UBE3D: variants seen among roughly 807,000 people sequenced by gnomAD.
UBE3D encodes E3 ubiquitin-protein ligase E3D.
Under a neutral mutation model 49.6 loss-of-function variants are expected in UBE3D, and 48 were observed. That is an observed-to-expected ratio of 0.97 (90% confidence interval 0.77 to 1.23). The LOEUF is 1.23. UBE3D is among the 50% of genes most tolerant of loss of function. The pLI is 0.00. For synonymous variants in UBE3D, 189 were observed against 174.2 expected (o/e 1.08, Z -0.67); for missense variants, 452 against 468.4 (o/e 0.96, Z 0.32).
chr6:82,912,832 A>C (rs1281196103), intron 9 of UBE3D, among the ~76,000 whole-genome samples: 1 of 152,216 alleles, frequency 6.6e-6, no homozygotes, highest in African/African-American at 2.4e-5. Context: ...AAGCAAATCA[A>C]AATAAAACAA....
chr6:82,928,841 G>C lies in UBE3D; in HGVS notation c.1149+28471C>G, dbSNP rs1031332531. On this transcript the variant is annotated intron_variant, in intron 9 of 9. Coordinates refer to ENST00000369747, the MANE Select transcript of UBE3D (RefSeq NM_198920.3). The stretch of plus-strand genomic sequence containing the variant: ...CTTCTAGGGAAAACAGCTGTAGTTA[G>C]GTGAAGTAATATAAATTTGACTGTC... Among the ~76,000 whole-genome samples, 4 of 152,220 alleles carry C rather than the reference G, an allele frequency of 2.6e-5. No homozygotes were observed. In the East Asian group the frequency reaches 7.7e-4, roughly 29 times the overall value.
Position 82,908,833 on chromosome 6 carries a change from C to A in UBE3D, c.1150-15791G>T, listed in dbSNP as rs1302330543. ...TATGCTACTCGAAACTTCCTGAAGGCCTCAGGGAGATATTTATACAGCCAG... is the reference window on the plus strand; with the variant it reads ...TATGCTACTCGAAACTTCCTGAAGGACTCAGGGAGATATTTATACAGCCAG... On this transcript the variant is annotated intron_variant, in intron 9 of 9. Transcript: ENST00000369747. 3.3e-5 allele frequency among the ~76,000 whole-genome samples: 5 copies of A among 152,308 alleles called. No homozygotes were observed. In the South Asian group the frequency reaches 1.0e-3, roughly 32 times the overall value.
At chr6:83,061,486 T>C (rs1784165550) in intron 1 of UBE3D, among the ~76,000 whole-genome samples, 1 of 152,252 alleles carries the variant, frequency 6.6e-6, no homozygotes, top group Non-Finnish European at 1.5e-5. Context: ...AATAATTTCA[T>C]ACTTGAGGCT....
At chr6:83,000,552 T>C (rs9353117) in intron 8 of UBE3D, among the ~76,000 whole-genome samples, 148,641 of 152,330 alleles carry the variant, frequency 0.98, 72,631 homozygotes, top group Middle Eastern at 1. Context: ...CTCTAGATGG[T>C]TGCCAGAACA....
rs1006924948 is a variant in UBE3D, at chr6:82,986,833, A to T, written c.1011-29383T>A. Among the ~76,000 whole-genome samples, 5 of 148,596 alleles carry T rather than the reference A, an allele frequency of 3.4e-5. No homozygotes were observed. In the South Asian group the frequency reaches 8.4e-4, roughly 25 times the overall value. On this transcript the variant is annotated intron_variant, in intron 8 of 9. Coordinates refer to ENST00000369747, the MANE Select transcript of UBE3D (RefSeq NM_198920.3). The stretch of plus-strand genomic sequence containing the variant: ...AGCCTTGATCTCTGGTTTGAATTAC[A>T]AAGTTTTTCATAGGTGTTATTTTTA...
chr6:83,000,248 A>G (rs73481027), intron 8 of UBE3D, among the ~76,000 whole-genome samples: 1,534 of 152,320 alleles, frequency 0.01, 28 homozygotes, highest in African/African-American at 0.035. Flanking sequence ...CCCCAGGTCT[A>G]TATATTAACA....
At chr6:82,979,883 C>T (rs1000983213) in intron 8 of UBE3D, among the ~76,000 whole-genome samples, 9 of 152,078 alleles carry the variant, frequency 5.9e-5, no homozygotes, top group South Asian at 2.1e-4. Context: ...CTCAAGATAA[C>T]GGCCCCCAGT....
intron 8 of UBE3D, among the ~76,000 whole-genome samples, chr6:83,015,183 C>T (rs1221696410): frequency 6.6e-6 from 1 of 152,142 alleles, no homozygotes; most frequent in Non-Finnish European, 1.5e-5. Context: ...TTACGGGGCT[C>T]TTCAAAGATG....
chr6:82,976,650 G>A (rs1777736756), intron 8 of UBE3D, among the ~76,000 whole-genome samples: 1 of 152,026 alleles, frequency 6.6e-6, no homozygotes, highest in South Asian at 2.1e-4. Context: ...GCCAGCTGGT[G>A]GTTTTGTACT....
chr6:83,022,684 C>T (rs536382959), intron 6 of UBE3D, 123 bp from the exon 7 acceptor site: 17 of 544,140 alleles, frequency 3.1e-5, no homozygotes, highest in Admixed American at 1.6e-4. Flanking sequence ...GACTTTTCTA[C>T]GGACTGCTCA....
chr6:82,920,676 T>C (rs1279802507), intron 9 of UBE3D, among the ~76,000 whole-genome samples: 4 of 152,184 alleles, frequency 2.6e-5, no homozygotes, highest in Non-Finnish European at 4.4e-5. Context: ...TAGAGCCCCA[T>C]ACATTATTAA....
At chr6:82,985,008 CTTTTTTTTTTT>C (rs70987727) in intron 8 of UBE3D, among the ~76,000 whole-genome samples, 7 of 52,996 alleles carry the variant, frequency 1.3e-4, no homozygotes, top group East Asian at 1.3e-3. Context: ...TCTTCTTCTT[CTTTTTTTTTTT>C]TTTTTTTTTT....
chr6:83,064,760 A>T (rs2127867793), intron 1 of UBE3D, among the ~76,000 whole-genome samples: 1 of 152,324 alleles, frequency 6.6e-6, no homozygotes, highest in South Asian at 2.1e-4. Flanking sequence ...AGAAATTCAG[A>T]TTAAATTATT....
At chr6:82,986,355 G>A (rs891859351) in intron 8 of UBE3D, among the ~76,000 whole-genome samples, 1 of 150,032 alleles carries the variant, frequency 6.7e-6, no homozygotes, top group Non-Finnish European at 1.5e-5. Flanking sequence ...CCTGTAATCC[G>A]ACCTACTCGG....
chr6:82,941,448 AAG>A (rs1338045864), intron 9 of UBE3D, among the ~76,000 whole-genome samples: 8 of 152,198 alleles, frequency 5.3e-5, no homozygotes, highest in Admixed American at 3.3e-4. Flanking sequence ...ATAGAAAAAA[AAG>A]AGTGCAGAGA....
chr6:82,962,757 T>C (rs1247498330), intron 8 of UBE3D, among the ~76,000 whole-genome samples: 1 of 152,200 alleles, frequency 6.6e-6, no homozygotes, highest in Non-Finnish European at 1.5e-5. Context: ...CTAAATCCCA[T>C]TCTTTTTAAT....
At chr6:82,928,084 A>G (rs1384195823) in intron 9 of UBE3D, among the ~76,000 whole-genome samples, 3 of 152,070 alleles carry the variant, frequency 2.0e-5, no homozygotes, top group Non-Finnish European at 4.4e-5. Context: ...CATCAACTGT[A>G]ACAAATGTAC....
At chr6:83,061,211 T>C (rs1784148461) in intron 1 of UBE3D, among the ~76,000 whole-genome samples, 1 of 152,194 alleles carries the variant, frequency 6.6e-6, no homozygotes, top group Non-Finnish European at 1.5e-5. Flanking sequence ...GATTGTACTA[T>C]CATCTTGCAA....
chr6:82,973,811 C>A (rs1777523071), intron 8 of UBE3D, among the ~76,000 whole-genome samples: 1 of 152,192 alleles, frequency 6.6e-6, no homozygotes. Context: ...CAGCCACTCC[C>A]CATCACTTAC....
Sources: allele counts gnomAD v4.1 joint callset (sites outside exome capture counted in the v4.1 genomes callset), GRCh38; gene constraint gnomAD v4.1.1; transcripts MANE v1.5; gene names NCBI Gene and HGNC (gene_info 2026-07-23, HGNC 2026-07-21).